The following BMAL2 variants were observed in gnomAD, a reference collection of about 807,000 sequenced individuals.
The protein encoded by BMAL2 is basic helix-loop-helix ARNT like 2, also known as basic helix-loop-helix ARNT-like protein 2.
At chr12:27,413,452 G>GT in the BMAL2 span, among the ~76,000 whole-genome samples, 2 of 152,128 alleles carry the variant, frequency 1.3e-5, no homozygotes, top group African/African-American at 4.8e-5. Flanking sequence ...AAAATGTCCT[G>GT]TTATAATGAC....
chr12:27,395,175 C>T, the BMAL2 span, among the ~76,000 whole-genome samples: 5 of 152,172 alleles, frequency 3.3e-5, no homozygotes, highest in Admixed American at 1.3e-4. Context: ...AAATAAATGT[C>T]GGTTAATTAA....
chr12:27,371,884 G>A, the BMAL2 span, among the ~76,000 whole-genome samples: 1 of 152,128 alleles, frequency 6.6e-6, no homozygotes, highest in Non-Finnish European at 1.5e-5. Context: ...ATAAACAATA[G>A]CATTCCCATT....
chr12:27,361,578 TCAATTC>T, the BMAL2 span, among the ~76,000 whole-genome samples: 2 of 152,306 alleles, frequency 1.3e-5, no homozygotes, highest in Admixed American at 1.3e-4. Context: ...GAGCTGAACT[TCAATTC>T]CTAACACATG....
the BMAL2 span, among the ~76,000 whole-genome samples, chr12:27,334,042 T>C: frequency 6.6e-6 from 1 of 152,202 alleles, no homozygotes; most frequent in Non-Finnish European, 1.5e-5. Context: ...TGGAATAAGA[T>C]GATAGAGTTT....
At chr12:27,406,846 C>G in the BMAL2 span, among the ~76,000 whole-genome samples, 1 of 152,032 alleles carries the variant, frequency 6.6e-6, no homozygotes, top group East Asian at 1.9e-4. Flanking sequence ...TTCAGGAGAC[C>G]CATCTCATGT....
chr12:27,362,075 A>AAAG, the BMAL2 span, among the ~76,000 whole-genome samples: 1 of 151,948 alleles, frequency 6.6e-6, no homozygotes, highest in African/African-American at 2.4e-5. Flanking sequence ...TATGTGAGGG[A>AAAG]AAGAATGTAC....
At chr12:27,417,045 A>G in the BMAL2 span, among the ~76,000 whole-genome samples, 1 of 152,188 alleles carries the variant, frequency 6.6e-6, no homozygotes, top group East Asian at 1.9e-4. Context: ...TTTTTCATAC[A>G]GTTAGCACGT....
At chr12:27,413,671 A>G in the BMAL2 span, among the ~76,000 whole-genome samples, 5 of 152,232 alleles carry the variant, frequency 3.3e-5, no homozygotes, top group Non-Finnish European at 7.3e-5. Flanking sequence ...TTACATATAA[A>G]TGGATTAAAT....
At chr12:27,334,404 G>A in the BMAL2 span, among the ~76,000 whole-genome samples, 1 of 152,186 alleles carries the variant, frequency 6.6e-6, no homozygotes, top group Non-Finnish European at 1.5e-5. Context: ...CAAATAAAAT[G>A]CTTAGCCCAA....
the BMAL2 span, chr12:27,390,142 G>A: frequency 6.2e-7 from 1 of 1,614,062 alleles, no homozygotes; most frequent in Non-Finnish European, 8.5e-7. Flanking sequence ...GGACACGTGT[G>A]TATTCTGGCT....
At chr12:27,382,380 C>T in the BMAL2 span, among the ~76,000 whole-genome samples, 1 of 152,076 alleles carries the variant, frequency 6.6e-6, no homozygotes, top group Non-Finnish European at 1.5e-5. Flanking sequence ...GATCTCTGCC[C>T]TTTAAGGGTT....
the BMAL2 span, chr12:27,385,531 G>A: frequency 6.2e-6 from 10 of 1,605,498 alleles, no homozygotes; most frequent in Non-Finnish European, 7.7e-6. Context: ...ATTTCTTCAG[G>A]ATAATGAGCT....
chr12:27,420,706 C>T, the BMAL2 span: 6 of 735,366 alleles, frequency 8.2e-6, no homozygotes, highest in Non-Finnish European at 9.8e-6. Flanking sequence ...AATACGTTTT[C>T]CTCCCAAGAG....
the BMAL2 span, among the ~76,000 whole-genome samples, chr12:27,388,635 G>A: frequency 6.6e-6 from 1 of 152,086 alleles, no homozygotes; most frequent in Non-Finnish European, 1.5e-5. Flanking sequence ...GATAGGGAAG[G>A]GGTGATGAAT....
the BMAL2 span, among the ~76,000 whole-genome samples, chr12:27,341,476 T>C: frequency 1.3e-5 from 2 of 152,250 alleles, no homozygotes; most frequent in Admixed American, 6.5e-5. Flanking sequence ...TATTTGATCA[T>C]GGTAGATAAG....
the BMAL2 span, among the ~76,000 whole-genome samples, chr12:27,405,330 T>C: frequency 6.6e-6 from 1 of 152,194 alleles, no homozygotes; most frequent in Non-Finnish European, 1.5e-5. Context: ...CTGAGTAGCC[T>C]AACTGGGAGG....
At chr12:27,420,306 T>C in the BMAL2 span, 1 of 1,545,736 alleles carries the variant, frequency 6.5e-7, no homozygotes. Flanking sequence ...TGCCATTTTT[T>C]ATCACAATCA....
the BMAL2 span, among the ~76,000 whole-genome samples, chr12:27,379,819 AG>A: frequency 6.6e-6 from 1 of 151,296 alleles, no homozygotes. Context: ...TTTTTTTTTC[AG>A]GGGGAAGATA....
the BMAL2 span, chr12:27,385,479 A>G: frequency 6.3e-7 from 1 of 1,598,420 alleles, no homozygotes; most frequent in East Asian, 2.2e-5. Context: ...CTTTCTTTTT[A>G]GGCTTGACAA....
Sources: allele counts gnomAD v4.1 joint callset (sites outside exome capture counted in the v4.1 genomes callset), GRCh38; gene constraint gnomAD v4.1.1; transcripts MANE v1.5; gene names NCBI Gene and HGNC (gene_info 2026-07-23, HGNC 2026-07-21).